Variants in GSTK1 observed in about 807,000 individuals in gnomAD.
GSTK1 encodes GST class-kappa.
A neutral mutation model predicts 30.9 loss-of-function variants in GSTK1; 25 were observed. The observed-to-expected ratio is 0.81, with a 90% CI of 0.59 to 1.13. GSTK1 has a LOEUF of 1.13. Among genes scored for constraint, GSTK1 ranks in the 50% most tolerant of loss-of-function variants. The probability of loss-of-function intolerance (pLI) is 0.00; values close to 1 mark genes in which losing one functional copy is unlikely to be tolerated. For synonymous variants in GSTK1, 108 were observed against 112.5 expected, an observed-to-expected ratio of 0.96 and a Z score of 0.25; for missense variants, 292 against 292.4, an observed-to-expected ratio of 1.00 and a Z score of 0.01.
In GSTK1 at chr7:143,268,078, CT is replaced by C. The variant is rs1800932086; in HGVS notation, c.538-12del. On this transcript the variant is annotated splice_polypyrimidine_tract_variant and intron_variant, in intron 6 of 7. Coordinates refer to ENST00000358406, the MANE Select transcript of GSTK1 (RefSeq NM_015917.3). The surrounding 1 kb of genome is among the most constrained non-coding windows in gnomAD (Gnocchi z 4.1). ...CTTTGCCTTCCTCCTTGCATTGTAA[CT>C]GCTTTCTCCAGGCCTTTGGGCTGCC... 6.2e-7 allele frequency: 1 copy of C among 1,605,070 alleles called. No individual in the cohort carries two copies. The highest frequency in any genetic ancestry group is 8.5e-7 in the Non-Finnish European group (1 of 1,174,304).
chr7:143,264,981 CTGCCCCACAGGAAGTT>C lies in GSTK1; in HGVS notation c.284-8_291del. The C allele has an allele frequency of 6.2e-7, 1 of 1,613,218 alleles. No homozygotes were observed. Among genetic ancestry groups the C allele is most frequent in the South Asian group, 1.1e-5 (1 of 91,036 alleles). On this transcript the variant is annotated splice_acceptor_variant and splice_polypyrimidine_tract_variant and coding_sequence_variant and intron_variant, in exon 4 of 8. Transcript: ENST00000358406. LOFTEE classifies it high-confidence loss of function. Reference sequence around the variant, plus strand: ...AGAGGAGCCCTGCCTCTGGGTGCCTCTGCCCCACAGGAAGTTTGTCTGCCATGCGTTTCCTCACCGC... The same window carrying C: ...AGAGGAGCCCTGCCTCTGGGTGCCTCTGTCTGCCATGCGTTTCCTCACCGC...
Position 143,264,024 on chromosome 7 carries a change from C to T in GSTK1, c.73-62C>T, listed in dbSNP as rs926470647. 8 of 1,471,914 alleles carry T rather than the reference C, an allele frequency of 5.4e-6. No homozygotes were observed. The East Asian group carries it at 6.8e-5, about 13-fold the overall frequency. The allele number at this position is 1,471,914 out of a possible 1,614,324, so 91.2% of individuals were successfully genotyped here. ...TGCACTTAGCGCCTCCCTTCCCTTT[C>T]CCTCGGCTCTTTCACTTTTCCATCT... On this transcript the variant is annotated intron_variant, in intron 1 of 7. Transcript: ENST00000358406.
rs768266387 is a variant in GSTK1, at chr7:143,268,454, G to T, written c.631+270G>T. On this transcript the variant is annotated intron_variant, in intron 7 of 7. Transcript: ENST00000358406. The surrounding 1 kb of genome is among the most constrained non-coding windows in gnomAD (Gnocchi z 4.1). ...CGCGCCACTGCACTCCAGCCTGGGT[G>T]ACAAAGCAAGACTCCGTCTCAAAAA... is the stretch of plus-strand genomic sequence containing the variant. 1.3e-5 allele frequency among the ~76,000 whole-genome samples: 2 copies of T among 152,122 alleles called. No homozygotes were observed. The highest frequency in any genetic ancestry group is 2.9e-5 in the Non-Finnish European group (2 of 68,014).
chr7:143,268,083 T>G lies in GSTK1; in HGVS notation c.538-8T>G, dbSNP rs1800932258. 1.2e-6 allele frequency: 2 copies of G among 1,609,414 alleles called. No homozygotes were observed. Among genetic ancestry groups the G allele is most frequent in the Admixed American group, 1.7e-5 (1 of 59,032 alleles). On this transcript the variant is annotated splice_polypyrimidine_tract_variant and splice_region_variant and intron_variant, in intron 6 of 7. Coordinates refer to ENST00000358406, the MANE Select transcript of GSTK1 (RefSeq NM_015917.3). This position sits in a 1 kb window ranked among gnomAD's most constrained non-coding sequence, Gnocchi z 4.1. ...CCTTCCTCCTTGCATTGTAACTGCTTTCTCCAGGCCTTTGGGCTGCCCATC... is the reference window on the plus strand; with the variant it reads ...CCTTCCTCCTTGCATTGTAACTGCTGTCTCCAGGCCTTTGGGCTGCCCATC...
rs777728040 is a variant in GSTK1, at chr7:143,268,086, T to G, written c.538-5T>G. On this transcript the variant is annotated splice_polypyrimidine_tract_variant and splice_region_variant and intron_variant, in intron 6 of 7. Transcript: ENST00000358406. This position sits in a 1 kb window ranked among gnomAD's most constrained non-coding sequence, Gnocchi z 4.1. ...TCCTCCTTGCATTGTAACTGCTTTCTCCAGGCCTTTGGGCTGCCCATCACC... is the reference window on the plus strand; with the variant it reads ...TCCTCCTTGCATTGTAACTGCTTTCGCCAGGCCTTTGGGCTGCCCATCACC... The G allele has an allele frequency of 1.2e-6, 2 of 1,611,540 alleles. No individual in the cohort carries two copies. The highest frequency in any genetic ancestry group is 2.7e-5 in the African/African-American group (2 of 74,820).
chr7:143,266,745 T>A (rs1414649435), intron 5 of GSTK1, among the ~76,000 whole-genome samples: 6 of 136,544 alleles, frequency 4.4e-5, no homozygotes, highest in African/African-American at 1.6e-4. Flanking sequence ...CACTGCAGAC[T>A]CAACCTCTTG....
Position 143,268,336 on chromosome 7 carries a change from T to TA in GSTK1, c.631+157dup. On this transcript the variant is annotated intron_variant, in intron 7 of 7. Coordinates refer to ENST00000358406, the MANE Select transcript of GSTK1 (RefSeq NM_015917.3). The surrounding 1 kb of genome is among the most constrained non-coding windows in gnomAD (Gnocchi z 4.1). ...TGAAACCCCGTCTCTACTAAAAATA[T>TA]AAAAATTAGCTGGGACTACAGCTGC... The TA allele has an allele frequency of 1.7e-6, 1 of 599,300 alleles. No individual in the cohort carries two copies. Among genetic ancestry groups the TA allele is most frequent in the Non-Finnish European group, 2.9e-6 (1 of 342,680 alleles). 37.1% of individuals were successfully genotyped at this position (599,300 alleles called of 1,614,324 possible).
intron 1 of GSTK1, 78 bp from the exon 2 acceptor site, chr7:143,264,008 C>A: frequency 7.7e-7 from 1 of 1,305,656 alleles, no homozygotes. Context: ...CTGCACTTAG[C>A]GCCTCCCTTC....
intron 1 of GSTK1, 23 bp downstream of exon 1, chr7:143,263,608 C>T: frequency 6.2e-7 from 1 of 1,601,420 alleles, no homozygotes; most frequent in Non-Finnish European, 8.5e-7. Context: ...GGGGTCGCCT[C>T]GGCAGTGTCT....
intron 5 of GSTK1, among the ~76,000 whole-genome samples, chr7:143,266,653 C>CTTTTTTTTTTT (rs35527374): frequency 4.7e-5 from 3 of 63,332 alleles, no homozygotes; most frequent in Non-Finnish European, 8.7e-5. Context: ...TTCTTTCTTT[C>CTTTTTTTTTTT]TTTTTTTTTT....
rs944615890 is a variant in GSTK1 at position 143,268,980 on chromosome 7, C to T, written c.*143C>T. 7 of 732,454 alleles carry T rather than the reference C, an allele frequency of 9.6e-6. No homozygotes were observed. Among genetic ancestry groups the T allele is most frequent in the Middle Eastern group, 2.6e-4 (1 of 3,814 alleles). The allele number at this position is 732,454 out of a possible 1,614,324, so 45.4% of individuals were successfully genotyped here. On this transcript the variant is annotated 3_prime_UTR_variant, in exon 8 of 8. Coordinates refer to ENST00000358406, the MANE Select transcript of GSTK1 (RefSeq NM_015917.3). The surrounding 1 kb of genome is among the most constrained non-coding windows in gnomAD (Gnocchi z 4.1). Reference sequence around the variant, plus strand: ...GGCCCTGGGAGCTGTCTGTCTTTCCCCTACCCCCAAGGATGCCAGGAAGAC... The same window carrying T: ...GGCCCTGGGAGCTGTCTGTCTTTCCTCTACCCCCAAGGATGCCAGGAAGAC...
At chr7:143,265,909 C>G (rs1256785996) in intron 5 of GSTK1, among the ~76,000 whole-genome samples, 3 of 150,244 alleles carry the variant, frequency 2.0e-5, no homozygotes, top group Non-Finnish European at 2.9e-5. Flanking sequence ...GCAAATCACA[C>G]AAAAGTTAAA....
chr7:143,265,033 G>C lies in GSTK1; in HGVS notation c.325G>C (p.Glu109Gln). The C allele has an allele frequency of 1.2e-6, 2 of 1,614,172 alleles. No individual in the cohort carries two copies. Among genetic ancestry groups the C allele is most frequent in the South Asian group, 2.2e-5 (2 of 91,084 alleles). ...AMRFLTAVNL[E>Q]HPEMLEKASR... is the part of the protein sequence containing the mutation. Reference sequence around the variant, plus strand: ...GCGTTTCCTCACCGCCGTGAACTTGGAGCATCCAGAGATGCTGGAGAAAGC... The same window carrying C: ...GCGTTTCCTCACCGCCGTGAACTTGCAGCATCCAGAGATGCTGGAGAAAGC... The change falls in exon 4 of 8, where the codon GAG becomes CAG. Residue 109 changes from glutamate to glutamine, a missense_variant. By Grantham distance (29) the Glu-to-Gln change is conservative. Transcript: ENST00000358406.
Position 143,268,154 on chromosome 7 carries a change from G to C in GSTK1, c.601G>C (p.Asp201His), listed in dbSNP as rs747771812. Residue 201 changes from aspartate (D) to histidine (H), a missense_variant, in exon 7 of 8, where the codon GAC (aspartate) becomes CAC (histidine). Coordinates refer to ENST00000358406, the MANE Select transcript of GSTK1 (RefSeq NM_015917.3). This position sits in a 1 kb window ranked among gnomAD's most constrained non-coding sequence, Gnocchi z 4.1. ...DGQTHMLFGSDRMELLAHLLG... is the reference protein window; with the variant it reads ...DGQTHMLFGSHRMELLAHLLG... ...CCAAACCCACATGTTATTTGGCTCT[G>C]ACCGGATGGAGCTGCTGGCGCACCT... The C allele has an allele frequency of 1.9e-6, 3 of 1,614,052 alleles. No homozygotes were observed. Among genetic ancestry groups the C allele is most frequent in the Non-Finnish European group, 8.5e-7 (1 of 1,179,992 alleles).
intron 3 of GSTK1, 56 bp downstream of exon 3, chr7:143,264,732 T>A: frequency 6.2e-7 from 1 of 1,603,402 alleles, no homozygotes; most frequent in Non-Finnish European, 8.5e-7. Flanking sequence ...AAGTCGGAGA[T>A]TGAGGGATTG....
chr7:143,263,684 G>C (rs1800780298), intron 1 of GSTK1, 99 bp downstream of exon 1: 1 of 1,167,588 alleles, frequency 8.6e-7, no homozygotes, highest in Non-Finnish European at 1.2e-6. Context: ...GTAACTCCTG[G>C]CGCCGCCCAA....
At position 143,264,576 on chromosome 7, in the gene GSTK1, C is replaced by A; in HGVS notation, c.183C>A (p.Arg61=). Residue 61 remains arginine, a synonymous_variant, in exon 3 of 8, where the codon CGC becomes CGA. Transcript: ENST00000358406. The part of the protein sequence containing the change: ...SGNKPPGLLP[R]KGLYMANDLK... ...ACAAGCCTCCAGGTCTGCTTCCCCG[C>A]AAAGGACTATACATGGCAAATGACT... 1 of 1,614,052 alleles carries A rather than the reference C, an allele frequency of 6.2e-7. No individual in the cohort carries two copies. Among genetic ancestry groups the A allele is most frequent in the Non-Finnish European group, 8.5e-7 (1 of 1,179,924 alleles).
chr7:143,268,676 C>T lies in GSTK1; in HGVS notation c.632-112C>T. 2 of 929,492 alleles carry T rather than the reference C, an allele frequency of 2.2e-6. No individual in the cohort carries two copies. The highest frequency in any genetic ancestry group is 1.6e-5 in the African/African-American group (1 of 60,690). The allele number at this position is 929,492 out of a possible 1,614,324, so 57.6% of individuals were successfully genotyped here. A position where few individuals can be genotyped will look rare whatever the true frequency, so the allele number is the denominator to read the frequency against. On this transcript the variant is annotated intron_variant, in intron 7 of 7. Coordinates refer to ENST00000358406, the MANE Select transcript of GSTK1 (RefSeq NM_015917.3). This position sits in a 1 kb window ranked among gnomAD's most constrained non-coding sequence, Gnocchi z 4.1. ...TAAAAGAAAAGGAAGCCTTCTATAC[C>T]TTGAAGCCAAGCAAAAGTCTTTCTA...
chr7:143,263,600 G>A lies in GSTK1; in HGVS notation c.72+15G>A. 1 of 1,604,076 alleles carries A rather than the reference G, an allele frequency of 6.2e-7. No homozygotes were observed. On this transcript the variant is annotated intron_variant, in intron 1 of 7. Transcript: ENST00000358406. ...TGGGCTTCGAGGTGACGCTGGGAGG[G>A]GTCGCCTCGGCAGTGTCTGGGGAGT...
Sources: gnomAD v4.1 joint callset for allele counts (sites outside exome capture counted in the v4.1 genomes callset) on GRCh38, gnomAD v4.1.1 for gene constraint, Gnocchi (gnomAD v3.1) non-coding constraint, MANE v1.5 for transcripts, NCBI Gene and HGNC (gene_info 2026-07-23, HGNC 2026-07-21) for gene names.